Variants in TENM3 observed in about 807,000 individuals in gnomAD.
The protein encoded by TENM3 is teneurin-3.
In TENM3, 63 loss-of-function variants were observed where a neutral mutation model predicts 255.1. That is an observed-to-expected ratio of 0.25 (90% CI 0.20 to 0.30). TENM3 has a LOEUF of 0.30. TENM3 is among the 10% of genes least tolerant of loss of function. TENM3 has a pLI of 1.00. For synonymous variants in TENM3, 1,306 were observed against 1,322.3 expected (o/e 0.99, Z 0.27); for missense variants, 2,929 against 3,461.1 (o/e 0.85, Z 3.86).
At chr4:181,831,519 T>G in the TENM3 span, among the ~76,000 whole-genome samples, 1 of 145,256 alleles carries the variant, frequency 6.9e-6, no homozygotes, top group Non-Finnish European at 1.5e-5. Context: ...AAAACCTGAT[T>G]TTTTAGAGTT....
the TENM3 span, among the ~76,000 whole-genome samples, chr4:181,895,563 G>A: frequency 1.7e-5 from 1 of 57,814 alleles, no homozygotes; most frequent in Non-Finnish European, 3.2e-5. Flanking sequence ...TTTTTTTTTT[G>A]AGACAGGATC....
chr4:182,459,972 A>G (rs1439703371), intron 3 of TENM3, among the ~76,000 whole-genome samples: 1 of 152,108 alleles, frequency 6.6e-6, no homozygotes, highest in Admixed American at 6.6e-5. Flanking sequence ...TTTTTGTAAA[A>G]TTCATCGCCA....
At chr4:181,452,250 G>T in the TENM3 span, among the ~76,000 whole-genome samples, 1 of 152,222 alleles carries the variant, frequency 6.6e-6, no homozygotes, top group Non-Finnish European at 1.5e-5. Context: ...AAAGTTGGCT[G>T]TGAAATTGAA....
chr4:182,730,263 T>C lies in TENM3; in HGVS notation c.2649T>C (p.Asn883=). The C allele has an allele frequency of 6.2e-7, 1 of 1,613,844 alleles. No individual in the cohort carries two copies. ...ATGGAACTCCACTTATTGGAGTAAATGTCTCGTTTTTCCATTACCCAGAAT... is the reference window on the plus strand; with the variant it reads ...ATGGAACTCCACTTATTGGAGTAAACGTCTCGTTTTTCCATTACCCAGAAT... ...TADGTPLIGV[N]VSFFHYPEYG... The change falls in exon 15 of 28, where the codon AAT becomes AAC. Residue 883 remains asparagine (N), a synonymous_variant. Transcript: ENST00000511685.
the TENM3 span, among the ~76,000 whole-genome samples, chr4:181,457,349 C>T: frequency 6.6e-6 from 1 of 151,724 alleles, no homozygotes; most frequent in African/African-American, 2.4e-5. Context: ...TAAACAGAGA[C>T]ATCAATATGT....
At chr4:181,720,893 G>A in the TENM3 span, among the ~76,000 whole-genome samples, 8 of 152,104 alleles carry the variant, frequency 5.3e-5, no homozygotes, top group East Asian at 1.9e-4. Context: ...AAGAGCTAGC[G>A]AAAGATCCAT....
the TENM3 span, among the ~76,000 whole-genome samples, chr4:181,771,015 T>G: frequency 0.18 from 27,310 of 152,226 alleles, 3,115 homozygotes; most frequent in Non-Finnish European, 0.25. Flanking sequence ...TGGCCAAGAC[T>G]GCAGCTCCAG....
chr4:182,497,847 CATATATAT>C lies in TENM3; in HGVS notation c.512-103048_512-103041del, dbSNP rs56170155. 7.2e-3 allele frequency among the ~76,000 whole-genome samples: 978 copies of C among 135,640 alleles called. 7 individuals are homozygous for C. Among genetic ancestry groups the C allele is most frequent in the Admixed American group, 0.011 (157 of 14,248 alleles). 89.0% of individuals were successfully genotyped at this position (135,640 alleles called of 152,430 possible). ...ATATACCCCATCTCTACTAAAAATACATATATATATATATATATATATATATATATATA... is the reference window on the plus strand; with the variant it reads ...ATATACCCCATCTCTACTAAAAATACATATATATATATATATATATATATA... On this transcript the variant is annotated intron_variant, in intron 3 of 27. Transcript: ENST00000511685.
In TENM3 at chr4:182,743,243, C is replaced by T. The variant is rs904433145; in HGVS notation, c.3453C>T (p.Gly1151=). The part of the protein sequence containing the change: ...QQPPVVSSIM[G]NGRRRSISCP... ...CTCCAGTCGTGAGTAGCATCATGGG[C>T]AATGGGCGAAGGCGCAGCATTTCCT... Residue 1151 remains glycine, a synonymous_variant, in exon 19 of 28, where the codon GGC becomes GGT. Transcript: ENST00000511685. The T allele has an allele frequency of 2.9e-5, 46 of 1,614,016 alleles. No individual in the cohort carries two copies. Among genetic ancestry groups the T allele is most frequent in the Non-Finnish European group, 3.6e-5 (43 of 1,179,894 alleles).
chr4:181,643,961 A>C, the TENM3 span, among the ~76,000 whole-genome samples: 1 of 151,498 alleles, frequency 6.6e-6, no homozygotes, highest in African/African-American at 2.4e-5. Context: ...GTGCATGCCC[A>C]CCTACTTGGG....
the TENM3 span, among the ~76,000 whole-genome samples, chr4:182,058,233 C>T: frequency 1.3e-5 from 2 of 151,428 alleles, no homozygotes; most frequent in Non-Finnish European, 2.9e-5. Flanking sequence ...GATTTTATCT[C>T]CACATAGGGT....
At chr4:181,818,554 A>G in the TENM3 span, among the ~76,000 whole-genome samples, 2 of 150,936 alleles carry the variant, frequency 1.3e-5, no homozygotes, top group South Asian at 2.1e-4. Context: ...CATGTGCAGG[A>G]TGTACAGGTT....
chr4:182,417,945 T>A (rs1458645307), intron 3 of TENM3, among the ~76,000 whole-genome samples: 1 of 152,184 alleles, frequency 6.6e-6, no homozygotes, highest in African/African-American at 2.4e-5. Flanking sequence ...AAAGTTGAAT[T>A]TATGTCTGAA....
intron 3 of TENM3, among the ~76,000 whole-genome samples, chr4:182,410,593 T>C (rs1387525336): frequency 6.6e-6 from 1 of 152,264 alleles, no homozygotes; most frequent in East Asian, 1.9e-4. Context: ...CACATTGCTG[T>C]AATTAATAGG....
chr4:182,774,093 G>A (rs1008228138), intron 23 of TENM3, among the ~76,000 whole-genome samples: 2 of 152,098 alleles, frequency 1.3e-5, no homozygotes, highest in East Asian at 3.9e-4. Flanking sequence ...GTAATGCCTG[G>A]AGTGTCCATT....
chr4:181,916,265 A>G, the TENM3 span, among the ~76,000 whole-genome samples: 1 of 152,204 alleles, frequency 6.6e-6, no homozygotes, highest in Admixed American at 6.5e-5. Flanking sequence ...TTCAAGGCAA[A>G]CTGTCCTTTC....
intron 1 of TENM3, among the ~76,000 whole-genome samples, chr4:182,319,540 T>G (rs61664810): frequency 6.6e-6 from 1 of 152,224 alleles, no homozygotes; most frequent in Non-Finnish European, 1.5e-5. Context: ...TACATCTTGA[T>G]GTATTGTGGC....
intron 3 of TENM3, among the ~76,000 whole-genome samples, chr4:182,566,737 T>C (rs1402615899): frequency 6.6e-6 from 1 of 152,210 alleles, no homozygotes; most frequent in Non-Finnish European, 1.5e-5. Flanking sequence ...GTTTGGAATA[T>C]GCCCTCATGC....
chr4:182,562,105 TAAAG>T (rs1743262088), intron 3 of TENM3, among the ~76,000 whole-genome samples: 1 of 152,136 alleles, frequency 6.6e-6, no homozygotes, highest in Admixed American at 6.5e-5. Context: ...AAACTTAATA[TAAAG>T]ATAGATTGCA....
Sources: allele counts gnomAD v4.1 joint callset (sites outside exome capture counted in the v4.1 genomes callset), GRCh38; gene constraint gnomAD v4.1.1; transcripts MANE v1.5; gene names NCBI Gene and HGNC (gene_info 2026-07-23, HGNC 2026-07-21).